CLEC16A: variants seen among roughly 807,000 people sequenced by gnomAD.
The protein encoded by CLEC16A is protein CLEC16A.
In CLEC16A, 51 loss-of-function variants were observed where a neutral mutation model predicts 109.5. The observed-to-expected ratio is 0.47, with a 90% confidence interval of 0.37 to 0.59. The LOEUF is 0.59. Among genes scored for constraint, CLEC16A ranks in the 20% least tolerant of loss-of-function variants. The pLI is 0.00. For synonymous variants in CLEC16A, 673 were observed against 564.2 expected (o/e 1.19, Z -2.73); for missense variants, 1,339 against 1,394.0 (o/e 0.96, Z 0.63).
At chr16:10,975,379 C>T (rs2146486287) in intron 7 of CLEC16A, among the ~76,000 whole-genome samples, 1 of 152,216 alleles carries the variant, frequency 6.6e-6, no homozygotes, top group East Asian at 1.9e-4. Flanking sequence ...AGGAGCTGCT[C>T]TTTTTCATTA....
chr16:11,059,445 T>C (rs2048369327), intron 18 of CLEC16A, among the ~76,000 whole-genome samples: 1 of 152,166 alleles, frequency 6.6e-6, no homozygotes, highest in Non-Finnish European at 1.5e-5. Flanking sequence ...GTTCCAACAT[T>C]AGGAAGTTGC....
intron 7 of CLEC16A, among the ~76,000 whole-genome samples, chr16:10,976,162 T>TTGGAGGCTGAGGTGGGA (rs2146509817): frequency 6.6e-6 from 1 of 152,206 alleles, no homozygotes; most frequent in South Asian, 2.1e-4. Flanking sequence ...CTGAGATGCT[T>TTGGAGGCTGAGGTGGGA]TGGAGGCTGA....
Position 11,179,656 on chromosome 16 carries a change from TC to T in CLEC16A, c.*969del, listed in dbSNP as rs1158422424. On this transcript the variant is annotated 3_prime_UTR_variant, in exon 24 of 24. Coordinates refer to ENST00000409790, the MANE Select transcript of CLEC16A (RefSeq NM_015226.3). ...AGGAACCAGTTGGGACCGTGAAGAC[TC>T]CCGACCCTGTGGCCATGATGGAAAT... The T allele has an allele frequency of 6.6e-6, 1 of 152,204 alleles. No individual in the cohort carries two copies. Among genetic ancestry groups the T allele is most frequent in the Admixed American group, 6.5e-5 (1 of 15,280 alleles). The allele number at this position is 152,204 out of a possible 1,614,324, so 9.4% of individuals were successfully genotyped here.
intron 19 of CLEC16A, among the ~76,000 whole-genome samples, chr16:11,105,708 C>G (rs912432739): frequency 5.3e-5 from 8 of 152,228 alleles, no homozygotes; most frequent in African/African-American, 1.7e-4. Flanking sequence ...CCAGCCTCCC[C>G]AAGCCTTCAG....
chr16:10,963,330 G>C (rs1019819641), intron 3 of CLEC16A, among the ~76,000 whole-genome samples: 1 of 152,180 alleles, frequency 6.6e-6, no homozygotes, highest in South Asian at 2.1e-4. Flanking sequence ...CCACAATGGG[G>C]GTTAGAGCTT....
intron 10 of CLEC16A, among the ~76,000 whole-genome samples, chr16:11,000,700 G>C (rs951806537): frequency 1.3e-5 from 2 of 152,178 alleles, no homozygotes; most frequent in Non-Finnish European, 2.9e-5. Flanking sequence ...GAATCATGCA[G>C]CAATTTATGT....
chr16:10,965,030 G>A (rs561171608), intron 3 of CLEC16A, among the ~76,000 whole-genome samples: 10 of 152,254 alleles, frequency 6.6e-5, no homozygotes, highest in Admixed American at 2.6e-4. Context: ...TTTGATCAGC[G>A]TCTCCCCATT....
In CLEC16A at chr16:11,003,235, A is replaced by G. The variant is rs1187762070; in HGVS notation, c.1233A>G (p.Gln411=). ...DEEKGPTEDA[Q]EDAEKAKGTE... ...AGAAAGGGCCCACCGAGGATGCCCA[A>G]GAAGACGCCGAGAAGGCTAAAGGTA... Residue 411 remains glutamine (Q), a synonymous_variant, in exon 11 of 24, where the codon CAA becomes CAG. Transcript: ENST00000409790. 1 of 1,613,334 alleles carries G rather than the reference A, an allele frequency of 6.2e-7. No homozygotes were observed. Among genetic ancestry groups the G allele is most frequent in the South Asian group, 1.1e-5 (1 of 91,036 alleles).
In CLEC16A at chr16:11,020,203, G is replaced by A; in HGVS notation, c.1314G>A (p.Met438Ile). 6.2e-7 allele frequency: 1 copy of A among 1,611,370 alleles called. No individual in the cohort carries two copies. The highest frequency in any genetic ancestry group is 8.5e-7 in the Non-Finnish European group (1 of 1,178,224). ...CATTTTGGCTTCCAGAGATCGAGAT[G>A]GTGATCATGGAGCGTAGCAAGCTCT... ...KTSGESEEIE[M>I]VIMERSKLSE... Residue 438 changes from methionine (M) to isoleucine (I), a missense_variant, in exon 12 of 24, where the codon ATG becomes ATA. By Grantham distance (10) the Met-to-Ile change is conservative (BLOSUM62 1). Transcript: ENST00000409790.
chr16:11,024,747 A>T, intron 12 of CLEC16A, 74 bp from the exon 13 acceptor site: 8 of 1,155,334 alleles, frequency 6.9e-6, no homozygotes, highest in Non-Finnish European at 1.0e-5. Flanking sequence ...CTAGCACCCC[A>T]TGTGCAGGTT....
intron 10 of CLEC16A, among the ~76,000 whole-genome samples, chr16:10,998,134 T>A (rs1206682233): frequency 6.6e-6 from 1 of 152,156 alleles, no homozygotes; most frequent in African/African-American, 2.4e-5. Context: ...TTTCCCAAAG[T>A]GTTTGACTTT....
intron 20 of CLEC16A, among the ~76,000 whole-genome samples, chr16:11,123,388 C>A (rs2052571603): frequency 6.6e-6 from 1 of 152,214 alleles, no homozygotes; most frequent in African/African-American, 2.4e-5. Flanking sequence ...TCTGGCTTCT[C>A]AGAAGTAAGA....
chr16:11,040,656 G>A (rs1224086812), intron 14 of CLEC16A: 1 of 151,830 alleles, frequency 6.6e-6, no homozygotes, highest in Admixed American at 6.6e-5. Flanking sequence ...GGGATTACAG[G>A]TGCACACTAC....
At chr16:11,155,332 G>T (rs182427305) in intron 22 of CLEC16A, among the ~76,000 whole-genome samples, 1 of 152,336 alleles carries the variant, frequency 6.6e-6, no homozygotes, top group Non-Finnish European at 1.5e-5. Context: ...GGCTCGTGGG[G>T]TGAACAGGTC....
intron 10 of CLEC16A, among the ~76,000 whole-genome samples, chr16:10,991,423 C>CAAAAAAAAAA (rs756161193): frequency 2.2e-4 from 14 of 63,376 alleles, no homozygotes; most frequent in African/African-American, 5.8e-4. Context: ...GACTCCGTCT[C>CAAAAAAAAAA]AAAAAAAAAA....
At chr16:11,048,640 C>T (rs762184004) in intron 17 of CLEC16A, 2 of 152,140 alleles carry the variant, frequency 1.3e-5, no homozygotes, top group Non-Finnish European at 2.9e-5. Flanking sequence ...GGAGCCTTTT[C>T]AGGGGAAAGG....
intron 18 of CLEC16A, among the ~76,000 whole-genome samples, chr16:11,057,372 G>T (rs371113508): frequency 6.6e-6 from 1 of 152,230 alleles, no homozygotes; most frequent in Non-Finnish European, 1.5e-5. Context: ...GTGCCATCCC[G>T]TTGTACCTGC....
At chr16:11,074,168 TCTTTTTC>T (rs1336059296) in intron 19 of CLEC16A, among the ~76,000 whole-genome samples, 1 of 152,198 alleles carries the variant, frequency 6.6e-6, no homozygotes, top group Non-Finnish European at 1.5e-5. Flanking sequence ...TTTTCTTTTT[TCTTTTTC>T]CTTACCCCAC....
At chr16:11,073,436 A>C (rs1736195003) in intron 19 of CLEC16A, among the ~76,000 whole-genome samples, 1 of 151,830 alleles carries the variant, frequency 6.6e-6, no homozygotes, top group African/African-American at 2.4e-5. Flanking sequence ...TCCCCTGCCC[A>C]GTATCTCCCC....
Sources: gnomAD v4.1 joint callset for allele counts (sites outside exome capture counted in the v4.1 genomes callset) on GRCh38, gnomAD v4.1.1 for gene constraint, MANE v1.5 for transcripts, NCBI Gene and HGNC (gene_info 2026-07-23, HGNC 2026-07-21) for gene names.